The following SART3 variants were observed in gnomAD, a reference collection of about 807,000 sequenced individuals.
The protein encoded by SART3 is spliceosome associated factor 3, U4/U6 recycling protein, also known as HIV-1 Tat-interacting protein of 110kDa.
SART3 carries 44 observed loss-of-function variants against 122.3 expected under a neutral mutation model. The observed-to-expected ratio is 0.36, with a 90% CI of 0.28 to 0.46. SART3 has a LOEUF of 0.46. Among genes scored for constraint, SART3 ranks in the 20% least tolerant of loss-of-function variants. The pLI, the probability that SART3 is intolerant of heterozygous loss-of-function variation, is 1.00. For synonymous variants in SART3, 442 were observed against 454.0 expected, an observed-to-expected ratio of 0.97 and a Z score of 0.34; for missense variants, 1,101 against 1,229.0, an observed-to-expected ratio of 0.90 and a Z score of 1.56.
At chr12:108,525,910 C>T (rs995534294) in intron 16 of SART3, 189 bp downstream of exon 16, 2 of 629,174 alleles carry the variant, frequency 3.2e-6, no homozygotes, top group Middle Eastern at 4.3e-4. Flanking sequence ...AAGCACCCAG[C>T]AAGAAGGAGC....
Position 108,531,260 on chromosome 12 carries a change from T to G in SART3, c.1690A>C (p.Ile564Leu), listed in dbSNP as rs755082369. 1 of 1,613,800 alleles carries G rather than the reference T, an allele frequency of 6.2e-7. No homozygotes were observed. Among genetic ancestry groups the G allele is most frequent in the South Asian group, 1.1e-5 (1 of 91,072 alleles). The change falls in exon 14 of 19, where the codon ATA becomes CTA. Residue 564 changes from isoleucine to leucine, a missense_variant. By Grantham distance (5) the Ile-to-Leu change is conservative. Transcript: ENST00000546815. ...CGGGTTTCAGTTTTCTGAACAGCTA[T>G]ATCCCAATCTTCTAAAGAACCTTGA... is the stretch of plus-strand genomic sequence containing the variant. ...RTEGSLEDWD[I>L]AVQKTETRLA...
Position 108,526,552 on chromosome 12 carries a change from C to G in SART3, c.1917G>C (p.Glu639Asp). ...CGACCCTTCTGCGTTTGGAAGGCTG[C>G]TCTACAGGTTTTCAAAAGAAAAGTA... The part of the protein sequence containing the change: ...DEKEWGDDEE[E>D]QPSKRRRVEN... Residue 639 changes from glutamate (E) to aspartate (D), a missense_variant and splice_region_variant, in exon 16 of 19, where the codon GAG becomes GAC. Coordinates refer to ENST00000546815, the MANE Select transcript of SART3 (RefSeq NM_014706.4). The G allele has an allele frequency of 1.2e-6, 2 of 1,613,622 alleles. No homozygotes were observed. Among genetic ancestry groups the G allele is most frequent in the Non-Finnish European group, 1.7e-6 (2 of 1,180,014 alleles).
At chr12:108,551,050 A>G (rs969252136) in intron 1 of SART3, among the ~76,000 whole-genome samples, 1 of 152,234 alleles carries the variant, frequency 6.6e-6, no homozygotes, top group Non-Finnish European at 1.5e-5. Flanking sequence ...ATAATGGTAG[A>G]GTGGATAAAA....
At chr12:108,537,137 G>A (rs903160924) in intron 9 of SART3, 10 of 425,384 alleles carry the variant, frequency 2.4e-5, no homozygotes, top group South Asian at 1.3e-4. Flanking sequence ...GGTTGTTTTC[G>A]GGGGGACATG....
In SART3 at chr12:108,547,908, T is replaced by G. The variant is rs753034077; in HGVS notation, c.523A>C (p.Lys175Gln). Residue 175 changes from lysine to glutamine, a missense_variant, in exon 3 of 19, where the codon AAA becomes CAA. By Grantham distance (53) the Lys-to-Gln change is moderately conservative. This residue lies in a region of SART3 where 885 missense variants were observed against 1,080.1 expected (regional missense o/e 0.82). Transcript: ENST00000546815. ...TTACAAATGTAATCCTTCACGGCTT[T>G]CTCAAAGAGGTCATACACGTGCTCT... ...DREHVYDLFE[K>Q]AVKDYICPNI... 6.2e-7 allele frequency: 1 copy of G among 1,613,572 alleles called. No individual in the cohort carries two copies.
At chr12:108,534,996 T>C (rs1261004776) in intron 12 of SART3, among the ~76,000 whole-genome samples, 1 of 152,246 alleles carries the variant, frequency 6.6e-6, no homozygotes, top group Non-Finnish European at 1.5e-5. Flanking sequence ...GAATGGGTCA[T>C]GGTTATGACT....
At chr12:108,553,537 C>T (rs1293255296) in intron 1 of SART3, among the ~76,000 whole-genome samples, 1 of 152,186 alleles carries the variant, frequency 6.6e-6, no homozygotes. Flanking sequence ...ACATCTGCCA[C>T]ATTTTAGGAA....
chr12:108,539,179 C>T (rs1873048722), intron 6 of SART3, 90 bp from the exon 7 acceptor site: 25 of 1,368,204 alleles, frequency 1.8e-5, no homozygotes, highest in Non-Finnish European at 2.4e-5. Context: ...AAACTGGCTA[C>T]AGTAACTATG....
intron 12 of SART3, among the ~76,000 whole-genome samples, chr12:108,534,847 C>T (rs1872834827): frequency 6.6e-6 from 1 of 152,210 alleles, no homozygotes; most frequent in Non-Finnish European, 1.5e-5. Context: ...AAGTTGGTCA[C>T]ATTCTTTATG....
intron 6 of SART3, 81 bp downstream of exon 6, chr12:108,542,946 TA>T: frequency 6.4e-7 from 1 of 1,555,866 alleles, no homozygotes; most frequent in East Asian, 2.2e-5. Context: ...TAAAACATTT[TA>T]AAGATACTGT....
At chr12:108,542,894 T>A (rs764301960) in intron 6 of SART3, 134 bp downstream of exon 6, 2 of 1,225,868 alleles carry the variant, frequency 1.6e-6, no homozygotes, top group Non-Finnish European at 2.4e-6. Context: ...TATTAGTATG[T>A]AAACTGTACG....
intron 1 of SART3, among the ~76,000 whole-genome samples, chr12:108,552,633 T>C (rs1396089559): frequency 6.6e-6 from 1 of 151,240 alleles, no homozygotes; most frequent in Non-Finnish European, 1.5e-5. Flanking sequence ...ATTAGGTGTA[T>C]ATTTAAAAAG....
intron 1 of SART3, among the ~76,000 whole-genome samples, chr12:108,552,369 T>C (rs543657073): frequency 6.6e-6 from 1 of 151,980 alleles, no homozygotes; most frequent in African/African-American, 2.4e-5. Flanking sequence ...TCTAGCCTGT[T>C]CAATAAGACA....
At chr12:108,546,046 A>C (rs532418866) in intron 3 of SART3, among the ~76,000 whole-genome samples, 1 of 152,178 alleles carries the variant, frequency 6.6e-6, no homozygotes, top group Non-Finnish European at 1.5e-5. Context: ...TCAGATTATA[A>C]ACCAAAAAAC....
chr12:108,555,888 T>C (rs2136696594), intron 1 of SART3, among the ~76,000 whole-genome samples: 1 of 152,006 alleles, frequency 6.6e-6, no homozygotes, highest in African/African-American at 2.4e-5. Flanking sequence ...AAAAAGCAGG[T>C]AGGAGGATTT....
rs181235280 is a variant in SART3, at chr12:108,526,508, G to T, written c.1961C>A (p.Ala654Asp). ...TACTTCTACATTTTGTGTTTCTCCA[G>T]CTGCAGGGATGCTGTTCTCGACCCT... ...RRRVENSIPA[A>D]GETQNVEVAA... Residue 654 changes from alanine (A) to aspartate (D), a missense_variant, in exon 16 of 19, where the codon GCT becomes GAT. Ala to Asp is a moderately radical substitution (Grantham distance 126). Transcript: ENST00000546815. 6.2e-7 allele frequency: 1 copy of T among 1,614,150 alleles called. No individual in the cohort carries two copies. The highest frequency in any genetic ancestry group is 1.7e-5 in the Admixed American group (1 of 60,032).
rs772180665 is a variant in SART3 at position 108,560,658 on chromosome 12, G to A, written c.312+185C>T. On this transcript the variant is annotated intron_variant, in intron 1 of 18. Transcript: ENST00000546815. The stretch of plus-strand genomic sequence containing the variant: ...CAGGGTCGTGGCGAGGATTCAATGA[G>A]ATAACGTTTGCAAGGCAATGGGCAG... 6 of 558,746 alleles carry A rather than the reference G, an allele frequency of 1.1e-5. No homozygotes were observed. In the East Asian group the frequency reaches 1.2e-4, roughly 11 times the overall value. The allele number at this position is 558,746 out of a possible 1,614,324, so 34.6% of individuals were successfully genotyped here.
intron 13 of SART3, 96 bp from the exon 14 acceptor site, chr12:108,531,376 T>A: frequency 1.1e-6 from 1 of 875,124 alleles, no homozygotes; most frequent in Non-Finnish European, 1.9e-6. Flanking sequence ...CCAGAAGAGA[T>A]CTCTCCCATC....
At chr12:108,552,456 A>C (rs990992964) in intron 1 of SART3, among the ~76,000 whole-genome samples, 1 of 127,134 alleles carries the variant, frequency 7.9e-6, no homozygotes, top group African/African-American at 2.7e-5. Flanking sequence ...TAAGTAGACA[A>C]TCTTAAGGAA....
Sources: allele counts gnomAD v4.1 joint callset (sites outside exome capture counted in the v4.1 genomes callset), GRCh38; gene constraint gnomAD v4.1.1; regional missense constraint gnomAD v4.1.1; transcripts MANE v1.5; gene names NCBI Gene and HGNC (gene_info 2026-07-23, HGNC 2026-07-21).